The following VSX2 variants were observed in gnomAD, a reference collection of about 807,000 sequenced individuals.
VSX2 encodes the protein ceh-10 homeo domain containing homolog.
VSX2 carries 28 observed loss-of-function variants against 32.1 expected under a neutral mutation model. The observed-to-expected ratio is 0.87, with a 90% CI of 0.65 to 1.20. The LOEUF (loss-of-function observed/expected upper bound fraction) is 1.20, where lower values mean the gene tolerates loss of function less well. Among genes scored for constraint, VSX2 ranks in the 50% most tolerant of loss-of-function variants. The pLI is 0.00. For missense variants in VSX2, 506 were observed against 488.7 expected, an observed-to-expected ratio of 1.04 and a Z score of -0.33; for synonymous variants, 243 against 214.1, an observed-to-expected ratio of 1.14 and a Z score of -1.18.
Position 74,239,557 on chromosome 14 carries a change from G to A in VSX2, c.-5G>A, listed in dbSNP as rs1475092292. The A allele has an allele frequency of 6.4e-7, 1 of 1,551,002 alleles. No individual in the cohort carries two copies. The highest frequency in any genetic ancestry group is 8.7e-7 in the Non-Finnish European group (1 of 1,146,990). ...GCGGCCTCAGCCCCTCCAAAGAACA[G>A]GGAGATGACGGGGAAAGCAGGGGAA... On this transcript the variant is annotated 5_prime_UTR_variant, in exon 1 of 5. Transcript: ENST00000261980.
At chr14:74,240,846 G>A (rs1436507705) in intron 1 of VSX2, among the ~76,000 whole-genome samples, 1 of 152,292 alleles carries the variant, frequency 6.6e-6, no homozygotes, top group South Asian at 2.1e-4. Flanking sequence ...GGCTGGCCGC[G>A]CAGGGCAGGG....
intron 2 of VSX2, among the ~76,000 whole-genome samples, chr14:74,241,506 T>C (rs1385565592): frequency 6.6e-6 from 1 of 152,186 alleles, no homozygotes; most frequent in African/African-American, 2.4e-5. Flanking sequence ...CTCCTCCTTG[T>C]TCAGGAGAAA....
chr14:74,254,783 G>GGTTTTTTTTTTTTTTTTTTTTTTT (rs1566887118), intron 3 of VSX2, among the ~76,000 whole-genome samples: 1 of 72,366 alleles, frequency 1.4e-5, no homozygotes, highest in African/African-American at 1.0e-4. Flanking sequence ...CCGAAAAGTG[G>GGTTTTTTTTTTTTTTTTTTTTTTT]ATTTTTTTTT....
intron 3 of VSX2, among the ~76,000 whole-genome samples, chr14:74,256,659 G>A (rs1354029548): frequency 6.8e-6 from 1 of 147,230 alleles, no homozygotes; most frequent in Non-Finnish European, 1.5e-5. Context: ...GGATAAAACC[G>A]GGAGTCATAC....
At position 74,239,643 on chromosome 14, in the gene VSX2, A is replaced by G. The variant is rs2079134993; in HGVS notation, c.82A>G (p.Arg28Gly). The change falls in exon 1 of 5, where the codon AGG becomes GGG. Residue 28 changes from arginine to glycine, a missense_variant. Physicochemically the swap from Arg to Gly is moderately radical, Grantham distance 125. Transcript: ENST00000261980. The part of the protein sequence containing the change: ...AKSTSGGAPA[R>G]CTGFGIQEIL... ...GAGTACCTCGGGGGGCGCCCCGGCC[A>G]GGTGCACTGGGTTCGGCATCCAGGA... 1 of 1,550,550 alleles carries G rather than the reference A, an allele frequency of 6.4e-7. No individual in the cohort carries two copies. Among genetic ancestry groups the G allele is most frequent in the Admixed American group, 2.0e-5 (1 of 50,986 alleles).
At chr14:74,242,455 C>T (rs2079156743) in intron 2 of VSX2, among the ~76,000 whole-genome samples, 1 of 152,156 alleles carries the variant, frequency 6.6e-6, no homozygotes, top group African/African-American at 2.4e-5. Flanking sequence ...CTATCCTCAC[C>T]CCTTAGGCCC....
chr14:74,241,167 AC>A lies in VSX2; in HGVS notation c.371-14del. 1 of 1,612,502 alleles carries A rather than the reference AC, an allele frequency of 6.2e-7. No individual in the cohort carries two copies. The highest frequency in any genetic ancestry group is 8.5e-7 in the Non-Finnish European group (1 of 1,179,764). ...GTCCCCCACTCTGCCGCATGTCCCTACGCCCGCTTTTCAGATTCTGAAGATG... is the reference window on the plus strand; with the variant it reads ...GTCCCCCACTCTGCCGCATGTCCCTAGCCCGCTTTTCAGATTCTGAAGATG... On this transcript the variant is annotated splice_polypyrimidine_tract_variant and intron_variant, in intron 1 of 4. Coordinates refer to ENST00000261980, the MANE Select transcript of VSX2 (RefSeq NM_182894.3).
intron 3 of VSX2, among the ~76,000 whole-genome samples, chr14:74,249,698 C>G (rs1426810250): frequency 6.6e-6 from 1 of 152,170 alleles, no homozygotes; most frequent in Non-Finnish European, 1.5e-5. Flanking sequence ...TACTCAGCTA[C>G]CGTGACATGA....
intron 2 of VSX2, 72 bp from the exon 3 acceptor site, chr14:74,245,093 G>A: frequency 1.9e-6 from 3 of 1,603,162 alleles, no homozygotes; most frequent in Non-Finnish European, 1.7e-6. Flanking sequence ...ACAGAGGAAG[G>A]CGGTTCTGTC....
At chr14:74,239,998 C>T (rs1055610652) in intron 1 of VSX2, 67 bp downstream of exon 1, 2 of 1,529,630 alleles carry the variant, frequency 1.3e-6, no homozygotes, top group East Asian at 2.5e-5. Context: ...GCGCCGTCGG[C>T]TCTCGCTTGC....
intron 1 of VSX2, 52 bp from the exon 2 acceptor site, chr14:74,241,130 A>G (rs2079147140): frequency 1.9e-6 from 3 of 1,591,486 alleles, no homozygotes; most frequent in Non-Finnish European, 2.6e-6. Context: ...GGTTTCGGGC[A>G]CAGCGGAGCG....
At chr14:74,260,523 T>C in intron 4 of VSX2, 71 bp from the exon 5 acceptor site, 1 of 1,456,000 alleles carries the variant, frequency 6.9e-7, no homozygotes, top group Non-Finnish European at 9.4e-7. Flanking sequence ...TCTCTCTATC[T>C]TTGCCGTTTT....
intron 3 of VSX2, among the ~76,000 whole-genome samples, chr14:74,249,421 C>G (rs145025162): frequency 6.6e-6 from 1 of 152,140 alleles, no homozygotes; most frequent in Admixed American, 6.5e-5. Context: ...CAGGTGCCCA[C>G]CACCATGCCT....
chr14:74,261,044 T>A lies in VSX2; in HGVS notation c.*125T>A. 8.6e-7 allele frequency: 1 copy of A among 1,165,524 alleles called. No homozygotes were observed. The highest frequency in any genetic ancestry group is 1.2e-6 in the Non-Finnish European group (1 of 819,378). 72.2% of individuals were successfully genotyped at this position (1,165,524 alleles called of 1,614,324 possible). On this transcript the variant is annotated 3_prime_UTR_variant, in exon 5 of 5. Coordinates refer to ENST00000261980, the MANE Select transcript of VSX2 (RefSeq NM_182894.3). ...TGCCATCCTCCCTGTTCCCCACAGG[T>A]CCTCCATCACCCCTGGTGGCTGCAG...
In VSX2 at chr14:74,260,693, A is replaced by T. The variant is rs920117225; in HGVS notation, c.860A>T (p.Glu287Val). The T allele has an allele frequency of 6.3e-7, 1 of 1,596,398 alleles. No individual in the cohort carries two copies. Among genetic ancestry groups the T allele is most frequent in the African/African-American group, 1.3e-5 (1 of 74,730 alleles). The change falls in exon 5 of 5, where the codon GAG becomes GTG. Residue 287 changes from glutamate (E) to valine (V), a missense_variant. Coordinates refer to ENST00000261980, the MANE Select transcript of VSX2 (RefSeq NM_182894.3). ...AAGCTCGACAAGATGGAGCAGGACG[A>T]GCGGGGCCCCGACGCTCAGGCGGCC... is the stretch of plus-strand genomic sequence containing the variant. ...LPKLDKMEQD[E>V]RGPDAQAAIS...
At chr14:74,259,485 G>A (rs937949325) in intron 3 of VSX2, 117 bp from the exon 4 acceptor site, 8 of 1,247,036 alleles carry the variant, frequency 6.4e-6, no homozygotes, top group Admixed American at 3.7e-5. Flanking sequence ...TGGAGTAGGC[G>A]AGCTTAGGTT....
At chr14:74,242,607 G>A (rs1283596555) in intron 2 of VSX2, among the ~76,000 whole-genome samples, 4 of 124,788 alleles carry the variant, frequency 3.2e-5, no homozygotes, top group African/African-American at 1.1e-4. Flanking sequence ...TTTTGGTCTT[G>A]ATCTTTGGTC....
At chr14:74,259,474 A>G in intron 3 of VSX2, 128 bp from the exon 4 acceptor site, 1 of 1,038,678 alleles carries the variant, frequency 9.6e-7, no homozygotes, top group South Asian at 1.4e-5. Flanking sequence ...AGAGGGCACC[A>G]TGGAGTAGGC....
intron 3 of VSX2, among the ~76,000 whole-genome samples, chr14:74,246,638 C>T (rs1202831226): frequency 1.3e-5 from 2 of 152,188 alleles, no homozygotes; most frequent in Non-Finnish European, 2.9e-5. Flanking sequence ...TAAGCCAAGC[C>T]TTAAACTGCA....
Sources: allele counts gnomAD v4.1 joint callset (sites outside exome capture counted in the v4.1 genomes callset), GRCh38; gene constraint gnomAD v4.1.1; transcripts MANE v1.5; gene names NCBI Gene and HGNC (gene_info 2026-07-23, HGNC 2026-07-21).